The following PANK1 variants were observed in gnomAD, a reference collection of about 807,000 sequenced individuals.
PANK1 encodes pantothenate kinase 1.
In PANK1, 18 loss-of-function variants were observed where a neutral mutation model predicts 40.1. The observed-to-expected ratio is 0.45, with a 90% CI of 0.31 to 0.67. The LOEUF is 0.67. Among genes scored for constraint, PANK1 ranks in the 30% least tolerant of loss-of-function variants. The probability of loss-of-function intolerance (pLI) is 0.06; values close to 1 mark genes in which losing one functional copy is unlikely to be tolerated. For synonymous variants in PANK1, 242 were observed against 237.7 expected, an observed-to-expected ratio of 1.02 and a Z score of -0.17; for missense variants, 457 against 599.6, an observed-to-expected ratio of 0.76 and a Z score of 2.48.
downstream of PANK1, chr10:89,582,012 TTAAA>T (rs1307070141): frequency 3.3e-5 from 5 of 152,380 alleles, no homozygotes; most frequent in East Asian, 9.6e-4. Flanking sequence ...ATAAATTAGT[TTAAA>T]TAATTTATTT....
In PANK1 at chr10:89,639,625, C is replaced by T. The variant is rs375063775; in HGVS notation, c.292+4975G>A. Among the ~76,000 whole-genome samples the T allele has an allele frequency of 5.9e-5, 9 of 152,304 alleles. No individual in the cohort carries two copies. The South Asian group carries it at 1.7e-3, about 28-fold the overall frequency. On this transcript the variant is annotated intron_variant, in intron 1 of 6. Coordinates refer to ENST00000307534, the MANE Select transcript of PANK1 (RefSeq NM_148977.3). Reference sequence around the variant, plus strand: ...TAAGTAGGAAATGCGGACCTGAATCCAGGCCTGGTGGCAACAAAGCTCTTT... The same window carrying T: ...TAAGTAGGAAATGCGGACCTGAATCTAGGCCTGGTGGCAACAAAGCTCTTT...
At position 89,588,734 on chromosome 10, in the gene PANK1, T is replaced by C. The variant is rs779237895; in HGVS notation, c.1244A>G (p.Asn415Ser). ...VVFVGNFLRINMVSMKLLAYA... is the reference protein window; with the variant it reads ...VVFVGNFLRISMVSMKLLAYA... ...TGCCAGCAGCTTCATGGAGACCATA[T>C]TGATTCTGAGAAAATTTCCAACAAA... is the stretch of plus-strand genomic sequence containing the variant. Residue 415 changes from asparagine to serine, a missense_variant, in exon 6 of 7, where the codon AAT becomes AGT. Asn to Ser is a conservative substitution (Grantham distance 46). Coordinates refer to ENST00000307534, the MANE Select transcript of PANK1 (RefSeq NM_148977.3). The C allele has an allele frequency of 6.2e-7, 1 of 1,605,776 alleles. No homozygotes were observed.
At chr10:89,580,005 G>A (rs1217565222), downstream of PANK1, 1 of 152,154 alleles carries the variant, frequency 6.6e-6, no homozygotes, top group African/African-American at 2.4e-5. Flanking sequence ...TCACAAATGT[G>A]GCGTCATCTT....
At chr10:89,633,083 T>A (rs1841699408) in intron 1 of PANK1, among the ~76,000 whole-genome samples, 1 of 152,168 alleles carries the variant, frequency 6.6e-6, no homozygotes, top group Non-Finnish European at 1.5e-5. Context: ...GTTTAACAAC[T>A]GGTTCTCTGA....
At chr10:89,620,255 G>A (rs543197416) in intron 1 of PANK1, among the ~76,000 whole-genome samples, 4 of 152,294 alleles carry the variant, frequency 2.6e-5, no homozygotes, top group South Asian at 2.1e-4. Context: ...GGAGATAACC[G>A]TAAGGCCAAA....
intron 3 of PANK1, 145 bp downstream of exon 3, chr10:89,599,107 A>T: frequency 1.4e-6 from 1 of 698,010 alleles, no homozygotes; most frequent in Middle Eastern, 4.1e-4. Context: ...TACCACTTTA[A>T]CACACCATTT....
At chr10:89,593,012 T>A (rs1844448089) in intron 5 of PANK1, among the ~76,000 whole-genome samples, 185 bp downstream of exon 5, 1 of 152,146 alleles carries the variant, frequency 6.6e-6, no homozygotes, top group South Asian at 2.1e-4. Context: ...AGTGCCTTCT[T>A]AAAAATAAAG....
At chr10:89,618,029 G>A (rs1003215648) in intron 1 of PANK1, among the ~76,000 whole-genome samples, 6 of 152,176 alleles carry the variant, frequency 3.9e-5, no homozygotes, top group African/African-American at 9.7e-5. Context: ...CACTTTAGAT[G>A]CAATCAGAGA....
At chr10:89,590,179 T>C (rs1844335531) in intron 5 of PANK1, among the ~76,000 whole-genome samples, 1 of 152,048 alleles carries the variant, frequency 6.6e-6, no homozygotes, top group South Asian at 2.1e-4. Flanking sequence ...GTTAAATTTA[T>C]TCGGGGAAAA....
intron 1 of PANK1, among the ~76,000 whole-genome samples, chr10:89,637,596 G>GGCACATACA (rs1841859159): frequency 6.6e-6 from 1 of 152,154 alleles, no homozygotes; most frequent in African/African-American, 2.4e-5. Flanking sequence ...ACCTGTATAG[G>GGCACATACA]GCACATACAA....
intron 1 of PANK1, among the ~76,000 whole-genome samples, chr10:89,615,479 T>A (rs1257084992): frequency 6.6e-6 from 1 of 152,238 alleles, no homozygotes; most frequent in African/African-American, 2.4e-5. Context: ...TTCAAAGTTT[T>A]TCTTGGCAAC....
intron 1 of PANK1, chr10:89,643,577 G>C (rs1842025773): frequency 2.8e-6 from 2 of 703,966 alleles, no homozygotes; most frequent in Non-Finnish European, 5.0e-6. Context: ...AAAAGTGAAG[G>C]TGTTATTTGC....
Position 89,611,873 on chromosome 10 carries a change from C to T in PANK1, c.468G>A (p.Leu156=), listed in dbSNP as rs1188528287. Residue 156 remains leucine (L), a synonymous_variant, in exon 2 of 7, where the codon CTG becomes CTA. Coordinates refer to ENST00000307534, the MANE Select transcript of PANK1 (RefSeq NM_148977.3). ...YGKTGIRDVH[L]ELKNLTMCGR... ...CACACATGGTCAGGTTTTTCAGTTCCAGGTGGACGTCTCGGATCCCAGTTT... is the reference window on the plus strand; with the variant it reads ...CACACATGGTCAGGTTTTTCAGTTCTAGGTGGACGTCTCGGATCCCAGTTT... 2 of 1,614,050 alleles carry T rather than the reference C, an allele frequency of 1.2e-6. No individual in the cohort carries two copies. The highest frequency in any genetic ancestry group is 1.7e-6 in the Non-Finnish European group (2 of 1,180,038).
At chr10:89,586,279 A>G (rs1012846090) in intron 6 of PANK1, among the ~76,000 whole-genome samples, 1 of 152,214 alleles carries the variant, frequency 6.6e-6, no homozygotes, top group African/African-American at 2.4e-5. Flanking sequence ...CTCTATCTGG[A>G]CTAGAACAGG....
At chr10:89,600,989 T>C (rs952489048) in intron 2 of PANK1, among the ~76,000 whole-genome samples, 4 of 152,150 alleles carry the variant, frequency 2.6e-5, no homozygotes, top group Non-Finnish European at 4.4e-5. Flanking sequence ...CCTTATTCTA[T>C]GGTTAAGATT....
chr10:89,608,930 G>C (rs570083990), intron 2 of PANK1, among the ~76,000 whole-genome samples: 1 of 152,268 alleles, frequency 6.6e-6, no homozygotes, highest in South Asian at 2.1e-4. Context: ...CTCTTTCTTT[G>C]CATGATTTGC....
At chr10:89,590,328 T>G (rs1400711176) in intron 5 of PANK1, among the ~76,000 whole-genome samples, 1 of 152,016 alleles carries the variant, frequency 6.6e-6, no homozygotes. Flanking sequence ...AATAGAGTAA[T>G]GAGTAAATAA....
intron 1 of PANK1, among the ~76,000 whole-genome samples, chr10:89,624,155 T>G (rs189971146): frequency 2.6e-5 from 4 of 152,326 alleles, no homozygotes; most frequent in Non-Finnish European, 5.9e-5. Flanking sequence ...TTCTGAGGCA[T>G]GTAGAAGTAT....
chr10:89,623,856 G>A (rs1845579896), intron 1 of PANK1, among the ~76,000 whole-genome samples: 1 of 152,184 alleles, frequency 6.6e-6, no homozygotes, highest in Non-Finnish European at 1.5e-5. Context: ...GATACCACAA[G>A]GGTTCCCTCA....
Sources: gnomAD v4.1 joint callset for allele counts (sites outside exome capture counted in the v4.1 genomes callset) on GRCh38, gnomAD v4.1.1 for gene constraint, MANE v1.5 for transcripts, NCBI Gene and HGNC (gene_info 2026-07-23, HGNC 2026-07-21) for gene names.